Variants in NEO1 observed in about 807,000 individuals in gnomAD.
NEO1 encodes the protein neogenin 1.
Under a neutral mutation model 159.7 loss-of-function variants are expected in NEO1, and 63 were observed. The ratio of observed to expected loss-of-function variants is 0.39; its 90% CI spans 0.32 to 0.49. The LOEUF (loss-of-function observed/expected upper bound fraction) is 0.49. Ranked by LOEUF, NEO1 falls within the 20% of genes least tolerant of loss-of-function variation. NEO1 has a pLI of 0.85. For missense variants in NEO1, 1,615 were observed against 1,831.0 expected (o/e 0.88, Z 2.15); for synonymous variants, 633 against 662.0 (o/e 0.96, Z 0.67).
chr15:73,215,289 C>T (rs1423327665), intron 7 of NEO1, among the ~76,000 whole-genome samples: 1 of 152,020 alleles, frequency 6.6e-6, no homozygotes, highest in African/African-American at 2.4e-5. Flanking sequence ...TGTCTGATTT[C>T]TCTGGCTAGG....
intron 1 of NEO1, among the ~76,000 whole-genome samples, chr15:73,079,142 C>G (rs1210759374): frequency 6.6e-6 from 1 of 152,090 alleles, no homozygotes; most frequent in Non-Finnish European, 1.5e-5. Context: ...GTTTTGGAAT[C>G]TTATTGTTAC....
intron 8 of NEO1, among the ~76,000 whole-genome samples, chr15:73,240,409 A>G (rs368533204): frequency 9.8e-5 from 15 of 152,336 alleles, no homozygotes; most frequent in African/African-American, 3.1e-4. Context: ...AGGTAAGGCC[A>G]TCTGTGTGTA....
chr15:73,098,114 C>A (rs2070185023), intron 1 of NEO1, among the ~76,000 whole-genome samples: 1 of 151,738 alleles, frequency 6.6e-6, no homozygotes, highest in South Asian at 2.1e-4. Flanking sequence ...CTCAGAATAA[C>A]AATACTAATG....
intron 7 of NEO1, 69 bp downstream of exon 7, chr15:73,178,496 A>G: frequency 1.9e-6 from 3 of 1,564,662 alleles, no homozygotes; most frequent in Admixed American, 3.6e-5. Context: ...ATCCGTCCAA[A>G]TAACTCATGA....
At chr15:73,119,953 A>G (rs1438771509) in intron 2 of NEO1, among the ~76,000 whole-genome samples, 5 of 152,252 alleles carry the variant, frequency 3.3e-5, no homozygotes, top group Non-Finnish European at 7.4e-5. Context: ...CCTGACCAAC[A>G]TGGTGAAACC....
At chr15:73,146,448 G>C (rs2032905191) in intron 5 of NEO1, among the ~76,000 whole-genome samples, 1 of 152,054 alleles carries the variant, frequency 6.6e-6, no homozygotes, top group Non-Finnish European at 1.5e-5. Context: ...ATATTTTTAA[G>C]GTATTACTGT....
intron 8 of NEO1, among the ~76,000 whole-genome samples, chr15:73,237,528 G>A (rs1156249063): frequency 6.6e-6 from 1 of 152,182 alleles, no homozygotes; most frequent in Non-Finnish European, 1.5e-5. Context: ...ATCAGCTAAA[G>A]CTTGTATTTC....
intron 7 of NEO1, among the ~76,000 whole-genome samples, chr15:73,179,400 C>T (rs985561259): frequency 1.1e-4 from 16 of 152,090 alleles, no homozygotes; most frequent in African/African-American, 3.4e-4. Context: ...GTTTTGCTCT[C>T]TAAACTTGCT....
chr15:73,301,627 G>A (rs999445157), intron 28 of NEO1, 170 bp downstream of exon 28: 21 of 895,172 alleles, frequency 2.3e-5, no homozygotes, highest in African/African-American at 8.4e-5. Context: ...CTTCTGAGCC[G>A]GGAACTGTGC....
chr15:73,289,337 C>A, intron 25 of NEO1, 99 bp downstream of exon 25: 2 of 998,278 alleles, frequency 2.0e-6, no homozygotes, highest in Admixed American at 2.0e-5. Flanking sequence ...GATTCTAACA[C>A]AAAGATAATC....
intron 7 of NEO1, among the ~76,000 whole-genome samples, chr15:73,233,402 A>G (rs909192219): frequency 1.3e-5 from 2 of 152,210 alleles, no homozygotes; most frequent in Admixed American, 1.3e-4. Flanking sequence ...TCAACCAAAG[A>G]GATTAAAATA....
At chr15:73,181,654 A>G (rs776129775) in intron 7 of NEO1, among the ~76,000 whole-genome samples, 2 of 152,028 alleles carry the variant, frequency 1.3e-5, no homozygotes, top group African/African-American at 2.4e-5. Context: ...CTTTTAAACA[A>G]CCAGATCTTG....
intron 5 of NEO1, among the ~76,000 whole-genome samples, chr15:73,145,061 C>T (rs2032771626): frequency 6.6e-6 from 1 of 152,062 alleles, no homozygotes; most frequent in Non-Finnish European, 1.5e-5. Flanking sequence ...AAAATTCTTT[C>T]ATTAAAAACT....
chr15:73,209,269 G>A (rs1007871558), intron 7 of NEO1, among the ~76,000 whole-genome samples: 1 of 152,198 alleles, frequency 6.6e-6, no homozygotes, highest in Non-Finnish European at 1.5e-5. Flanking sequence ...TGAACTCATT[G>A]TATCTGCCAT....
chr15:73,229,219 G>T (rs2038768576), intron 7 of NEO1, among the ~76,000 whole-genome samples: 1 of 151,620 alleles, frequency 6.6e-6, no homozygotes. Context: ...TTTTTTCTTT[G>T]TACCAGTCTT....
chr15:73,291,753 T>G (rs1389309576), intron 25 of NEO1, among the ~76,000 whole-genome samples: 1 of 152,184 alleles, frequency 6.6e-6, no homozygotes, highest in Admixed American at 6.5e-5. Context: ...GGCAGGCACA[T>G]TCACACTGCT....
At chr15:73,159,810 A>G (rs1466556163) in intron 5 of NEO1, among the ~76,000 whole-genome samples, 1 of 152,212 alleles carries the variant, frequency 6.6e-6, no homozygotes, top group Non-Finnish European at 1.5e-5. Flanking sequence ...TGCTGTATCA[A>G]AGAGTTTATA....
At chr15:73,139,166 A>G (rs1032028659) in intron 5 of NEO1, among the ~76,000 whole-genome samples, 6 of 152,166 alleles carry the variant, frequency 3.9e-5, no homozygotes, top group African/African-American at 1.4e-4. Context: ...ATACACAAAA[A>G]TCAACCCAAA....
chr15:73,175,609 G>A (rs532306099), intron 5 of NEO1, among the ~76,000 whole-genome samples: 70 of 152,302 alleles, frequency 4.6e-4, no homozygotes, highest in African/African-American at 1.6e-3. Context: ...CATAGAACTA[G>A]CCTGCAGTGG....
Sources: allele counts gnomAD v4.1 joint callset (sites outside exome capture counted in the v4.1 genomes callset), GRCh38; gene constraint gnomAD v4.1.1; transcripts MANE v1.5; gene names NCBI Gene and HGNC (gene_info 2026-07-23, HGNC 2026-07-21).